ADCK1: variants seen among roughly 807,000 people sequenced by gnomAD.
ADCK1 encodes aarF domain-containing protein kinase 1.
A neutral mutation model predicts 52.3 loss-of-function variants in ADCK1; 41 were observed. That is an observed-to-expected ratio of 0.78 (90% CI 0.61 to 1.02). The LOEUF is 1.02. Among genes scored for constraint, ADCK1 ranks in the 50% least tolerant of loss-of-function variants. The pLI, the probability that ADCK1 is intolerant of heterozygous loss-of-function variation, is 0.00. For synonymous variants in ADCK1, 250 were observed against 274.6 expected (o/e 0.91, Z 0.89); for missense variants, 658 against 679.5 (o/e 0.97, Z 0.35).
intron 4 of ADCK1, among the ~76,000 whole-genome samples, chr14:77,882,516 C>A (rs2083049917): frequency 6.6e-6 from 1 of 152,218 alleles, no homozygotes; most frequent in African/African-American, 2.4e-5. Context: ...AGTATGGGAA[C>A]AGCAGGCTGC....
Position 77,852,340 on chromosome 14 carries a change from C to T in ADCK1, c.220-6736C>T, listed in dbSNP as rs561779149. ...GTAGTGCAGGAGATGTTATCTCCTACAGTTTTCCTACATCTGCAAGAACTT... is the reference window on the plus strand; with the variant it reads ...GTAGTGCAGGAGATGTTATCTCCTATAGTTTTCCTACATCTGCAAGAACTT... On this transcript the variant is annotated intron_variant, in intron 3 of 10. Transcript: ENST00000238561. 2.3e-4 allele frequency among the ~76,000 whole-genome samples: 35 copies of T among 152,210 alleles called. No homozygotes were observed. In the South Asian group the frequency reaches 6.6e-3, roughly 29 times the overall value.
chr14:77,835,850 G>A (rs1242709900), intron 3 of ADCK1, among the ~76,000 whole-genome samples: 1 of 151,814 alleles, frequency 6.6e-6, no homozygotes, highest in African/African-American at 2.4e-5. Flanking sequence ...TACCCAGGCT[G>A]GTTTAGAACT....
intron 4 of ADCK1, among the ~76,000 whole-genome samples, chr14:77,880,172 AGCC>A (rs1189523126): frequency 6.6e-6 from 1 of 152,192 alleles, no homozygotes; most frequent in Non-Finnish European, 1.5e-5. Flanking sequence ...CCTACCTGTC[AGCC>A]GCTGGTCATC....
At chr14:77,915,787 GT>G (rs914033319) in intron 7 of ADCK1, among the ~76,000 whole-genome samples, 6 of 152,188 alleles carry the variant, frequency 3.9e-5, no homozygotes, top group African/African-American at 1.4e-4. Flanking sequence ...TTGTTGTGGA[GT>G]TGGCCTTCCT....
intron 4 of ADCK1, among the ~76,000 whole-genome samples, chr14:77,866,434 T>C (rs1336822666): frequency 6.6e-6 from 1 of 152,168 alleles, no homozygotes; most frequent in Non-Finnish European, 1.5e-5. Context: ...CCGCTACTTT[T>C]AGAAATCCCC....
In ADCK1 at chr14:77,887,211, G is replaced by C. The variant is rs767728616; in HGVS notation, c.544G>C (p.Val182Leu). The change falls in exon 5 of 11, where the codon GTG becomes CTG. Residue 182 changes from valine to leucine, a missense_variant. Physicochemically the swap from Val to Leu is conservative, Grantham distance 32. Coordinates refer to ENST00000238561, the MANE Select transcript of ADCK1 (RefSeq NM_020421.4). ...TVAVKVQHPK[V>L]RAQSSKDILL... The stretch of plus-strand genomic sequence containing the variant: ...GGCCGTGAAGGTCCAGCACCCAAAG[G>C]TGCGGGCTCAGAGCTCGAAGGACAT... The C allele has an allele frequency of 1.2e-6, 2 of 1,605,840 alleles. No homozygotes were observed. The highest frequency in any genetic ancestry group is 1.7e-6 in the Non-Finnish European group (2 of 1,175,932).
At chr14:77,802,326 C>T (rs1225877564) in intron 1 of ADCK1, among the ~76,000 whole-genome samples, 1 of 152,162 alleles carries the variant, frequency 6.6e-6, no homozygotes, top group Non-Finnish European at 1.5e-5. Flanking sequence ...CTCTTTGCAT[C>T]TGGCTTTGCC....
chr14:77,829,130 A>C (rs1348382430), intron 3 of ADCK1, among the ~76,000 whole-genome samples: 1 of 151,024 alleles, frequency 6.6e-6, no homozygotes, highest in African/African-American at 2.4e-5. Flanking sequence ...GGTTCCTGTT[A>C]CTGGAGAATG....
At chr14:77,919,816 G>C (rs2084008537) in intron 7 of ADCK1, among the ~76,000 whole-genome samples, 1 of 152,138 alleles carries the variant, frequency 6.6e-6, no homozygotes, top group South Asian at 2.1e-4. Flanking sequence ...GTTTTGATTT[G>C]CATTTCCCTG....
intron 3 of ADCK1, among the ~76,000 whole-genome samples, chr14:77,824,992 G>A (rs910625299): frequency 5.9e-5 from 9 of 152,034 alleles, no homozygotes; most frequent in Non-Finnish European, 7.4e-5. Context: ...CAAAATATAC[G>A]GTATTTGAAA....
At chr14:77,806,829 C>T (rs1197581034) in intron 1 of ADCK1, among the ~76,000 whole-genome samples, 1 of 152,006 alleles carries the variant, frequency 6.6e-6, no homozygotes, top group African/African-American at 2.4e-5. Flanking sequence ...ATTCTTGTGC[C>T]TCAGCCTCCT....
intron 1 of ADCK1, among the ~76,000 whole-genome samples, chr14:77,808,787 G>T (rs1369828897): frequency 2.6e-5 from 4 of 152,126 alleles, no homozygotes; most frequent in Admixed American, 2.6e-4. Flanking sequence ...TGCTGGCCAG[G>T]CTTGTCTTGA....
chr14:77,824,843 C>T (rs762453614), intron 3 of ADCK1, among the ~76,000 whole-genome samples: 3 of 152,192 alleles, frequency 2.0e-5, no homozygotes, highest in African/African-American at 4.8e-5. Context: ...TATAACATTT[C>T]GTCGCTCTCC....
intron 3 of ADCK1, among the ~76,000 whole-genome samples, chr14:77,852,660 A>ATATATATATAT (rs2082310962): frequency 4.4e-4 from 14 of 31,708 alleles, no homozygotes; most frequent in African/African-American, 1.0e-3. Flanking sequence ...TAAATAAATA[A>ATATATATATAT]ATATATATAT....
chr14:77,859,813 C>T (rs2082504958), intron 4 of ADCK1, among the ~76,000 whole-genome samples: 1 of 152,184 alleles, frequency 6.6e-6, no homozygotes, highest in Non-Finnish European at 1.5e-5. Context: ...AGTATAGTAC[C>T]TGATGTAGAG....
At chr14:77,899,317 T>G (rs2083479771) in intron 6 of ADCK1, 59 bp downstream of exon 6, 483 of 1,587,022 alleles carry the variant, frequency 3.0e-4, no homozygotes, top group Non-Finnish European at 3.8e-4. Context: ...TAGCGGTATG[T>G]GGGTCCCTGC....
At chr14:77,931,790 C>T (rs2084347327) in intron 10 of ADCK1, 79 bp downstream of exon 10, 1 of 1,458,032 alleles carries the variant, frequency 6.9e-7, no homozygotes, top group African/African-American at 1.4e-5. Flanking sequence ...TGCCACCTTT[C>T]CCCACCAGTC....
At chr14:77,910,631 T>C (rs1395114040) in intron 7 of ADCK1, among the ~76,000 whole-genome samples, 1 of 152,210 alleles carries the variant, frequency 6.6e-6, no homozygotes, top group Non-Finnish European at 1.5e-5. Flanking sequence ...TCAAGTCCAT[T>C]AATCTCTTTG....
At chr14:77,851,711 T>C (rs1449159706) in intron 3 of ADCK1, among the ~76,000 whole-genome samples, 2 of 152,192 alleles carry the variant, frequency 1.3e-5, no homozygotes. Context: ...ATTATAGTAC[T>C]TCAAAGAGTA....
Sources: gnomAD v4.1 joint callset for allele counts (sites outside exome capture counted in the v4.1 genomes callset) on GRCh38, gnomAD v4.1.1 for gene constraint, MANE v1.5 for transcripts, NCBI Gene and HGNC (gene_info 2026-07-23, HGNC 2026-07-21) for gene names.